ZSWIM6: variants seen among roughly 807,000 people sequenced by gnomAD.
ZSWIM6 encodes zinc finger SWIM-type containing 6, also known as zinc finger SWIM domain-containing protein 6.
ZSWIM6 carries 9 observed loss-of-function variants against 113.2 expected under a neutral mutation model. The ratio of observed to expected loss-of-function variants is 0.08; its 90% CI spans 0.05 to 0.14. ZSWIM6 has a LOEUF of 0.14. ZSWIM6 is among the 10% of genes least tolerant of loss of function. ZSWIM6 has a pLI of 1.00. For missense variants in ZSWIM6, 1,162 were observed against 1,552.2 expected (o/e 0.75, Z 4.22); for synonymous variants, 611 against 606.5 (o/e 1.01, Z -0.11).
chr5:61,359,887 T>C (rs1198428796), intron 1 of ZSWIM6, among the ~76,000 whole-genome samples: 2 of 152,076 alleles, frequency 1.3e-5, no homozygotes, highest in Non-Finnish European at 2.9e-5. Context: ...ATAGATGTTT[T>C]CAGCAGAGAA....
At chr5:61,427,394 T>C (rs1426510019) in intron 1 of ZSWIM6, among the ~76,000 whole-genome samples, 3 of 152,240 alleles carry the variant, frequency 2.0e-5, no homozygotes, top group African/African-American at 7.2e-5. Context: ...TACACATAAC[T>C]TCATTCACAT....
chr5:61,461,791 T>TC (rs1461533330), intron 1 of ZSWIM6, among the ~76,000 whole-genome samples: 3 of 152,002 alleles, frequency 2.0e-5, no homozygotes, highest in East Asian at 1.9e-4. Flanking sequence ...GAAAAAACAC[T>TC]CCCCCCAACC....
At chr5:61,391,009 T>C in intron 1 of ZSWIM6, 1 of 752,796 alleles carries the variant, frequency 1.3e-6, no homozygotes, top group South Asian at 1.4e-5. Context: ...AAAGTATCCC[T>C]GGCTGATCTT....
At chr5:61,456,261 G>C (rs1162258543) in intron 1 of ZSWIM6, among the ~76,000 whole-genome samples, 1 of 152,048 alleles carries the variant, frequency 6.6e-6, no homozygotes, top group Admixed American at 6.6e-5. Flanking sequence ...AACCAAATTT[G>C]TTTTAGGAGA....
intron 2 of ZSWIM6, among the ~76,000 whole-genome samples, chr5:61,487,235 T>C (rs1428918144): frequency 6.6e-6 from 1 of 152,150 alleles, no homozygotes; most frequent in African/African-American, 2.4e-5. Context: ...TTCTCTGTTA[T>C]GTTTCATTGG....
At chr5:61,370,082 C>T (rs1447631030) in intron 1 of ZSWIM6, among the ~76,000 whole-genome samples, 1 of 152,124 alleles carries the variant, frequency 6.6e-6, no homozygotes, top group Non-Finnish European at 1.5e-5. Context: ...AGATCATAAC[C>T]ATTTTTTCTT....
At chr5:61,421,930 T>A (rs965183518) in intron 1 of ZSWIM6, among the ~76,000 whole-genome samples, 1 of 152,342 alleles carries the variant, frequency 6.6e-6, no homozygotes, top group South Asian at 2.1e-4. Flanking sequence ...TAGGGTTGTT[T>A]GAGCACAGCC....
At position 61,348,641 on chromosome 5, in the gene ZSWIM6, C is replaced by T. The variant is rs527864753; in HGVS notation, c.676+15693C>T. On this transcript the variant is annotated intron_variant, in intron 1 of 13. Transcript: ENST00000252744. ...TGCTGTTTTCCTCTTCGATCCTTTA[C>T]AATTGTGCAACAATTAATTTTCTCT... is the stretch of plus-strand genomic sequence containing the variant. 2.6e-5 allele frequency among the ~76,000 whole-genome samples: 4 copies of T among 151,804 alleles called. No homozygotes were observed. In the East Asian group the frequency reaches 7.9e-4, roughly 30 times the overall value.
At chr5:61,509,861 G>T (rs899693290) in intron 4 of ZSWIM6, among the ~76,000 whole-genome samples, 1 of 151,998 alleles carries the variant, frequency 6.6e-6, no homozygotes, top group Non-Finnish European at 1.5e-5. Context: ...ATACTTATAA[G>T]GGTATTCAGA....
intron 5 of ZSWIM6, among the ~76,000 whole-genome samples, chr5:61,522,093 G>T (rs973397734): frequency 4.5e-4 from 63 of 139,376 alleles, no homozygotes; most frequent in East Asian, 1.6e-3. Context: ...TTTTTTGTTT[G>T]TTTTTTTTTG....
At chr5:61,426,385 G>A (rs1367935063) in intron 1 of ZSWIM6, among the ~76,000 whole-genome samples, 1 of 152,104 alleles carries the variant, frequency 6.6e-6, no homozygotes, top group East Asian at 1.9e-4. Context: ...TACACCATTT[G>A]CTTTACCACT....
At chr5:61,511,727 A>T (rs1748792848) in intron 4 of ZSWIM6, among the ~76,000 whole-genome samples, 1 of 152,178 alleles carries the variant, frequency 6.6e-6, no homozygotes, top group Non-Finnish European at 1.5e-5. Context: ...TGTAAGCAGT[A>T]AATGTTTGTT....
At chr5:61,332,993 C>T in intron 1 of ZSWIM6, 45 bp downstream of exon 1, 1 of 665,540 alleles carries the variant, frequency 1.5e-6, no homozygotes, top group Non-Finnish European at 1.9e-6. Flanking sequence ...TCCGTCAGTC[C>T]CTGGGTGGGG....
intron 4 of ZSWIM6, among the ~76,000 whole-genome samples, chr5:61,500,868 C>G (rs1387268298): frequency 6.6e-6 from 1 of 152,016 alleles, no homozygotes; most frequent in Non-Finnish European, 1.5e-5. Flanking sequence ...TTGTCTTTGC[C>G]CTGGCCTGAA....
intron 1 of ZSWIM6, among the ~76,000 whole-genome samples, chr5:61,380,897 TA>T (rs1745459390): frequency 6.7e-6 from 1 of 149,878 alleles, no homozygotes; most frequent in African/African-American, 2.5e-5. Context: ...ACCCAGGAGT[TA>T]AGAAAGCCTG....
chr5:61,391,627 G>A, intron 1 of ZSWIM6: 3 of 924,900 alleles, frequency 3.2e-6, no homozygotes, highest in Non-Finnish European at 5.4e-6. Context: ...CACCATGGGT[G>A]GTATCTCCAC....
intron 1 of ZSWIM6, among the ~76,000 whole-genome samples, chr5:61,412,165 G>A (rs936993950): frequency 2.6e-5 from 4 of 152,188 alleles, no homozygotes; most frequent in Admixed American, 6.5e-5. Context: ...GAATCACAGG[G>A]AATTGAGATT....
At position 61,539,651 on chromosome 5, in the gene ZSWIM6, C is replaced by A; in HGVS notation, c.2595C>A (p.Ser865=). The change falls in exon 12 of 14, where the codon TCC becomes TCA. Residue 865 remains serine (S), a synonymous_variant. Coordinates refer to ENST00000252744, the MANE Select transcript of ZSWIM6 (RefSeq NM_020928.2). ...VLESIQKNIH[S]SSHIFKLAQD... ...AATCCATCCAGAAAAACATTCACTCCTCATCACACATCTTCAAGCTTGCCC... is the reference window on the plus strand; with the variant it reads ...AATCCATCCAGAAAAACATTCACTCATCATCACACATCTTCAAGCTTGCCC... 1.3e-6 allele frequency: 2 copies of A among 1,552,014 alleles called. No individual in the cohort carries two copies. The highest frequency in any genetic ancestry group is 1.7e-6 in the Non-Finnish European group (2 of 1,147,058).
intron 1 of ZSWIM6, among the ~76,000 whole-genome samples, chr5:61,407,564 T>G (rs1746069205): frequency 6.6e-6 from 1 of 152,074 alleles, no homozygotes; most frequent in African/African-American, 2.4e-5. Context: ...TTTCTTAAAA[T>G]ATATAAAAAA....
Sources: allele counts gnomAD v4.1 joint callset (sites outside exome capture counted in the v4.1 genomes callset), GRCh38; gene constraint gnomAD v4.1.1; transcripts MANE v1.5; gene names NCBI Gene and HGNC (gene_info 2026-07-23, HGNC 2026-07-21).